The following DGKH variants were observed in gnomAD, a reference collection of about 807,000 sequenced individuals.
The protein encoded by DGKH is DAG kinase eta.
DGKH carries 90 observed loss-of-function variants against 159.3 expected under a neutral mutation model. The observed-to-expected ratio is 0.57, with a 90% CI of 0.48 to 0.67. The LOEUF is 0.67. DGKH is among the 30% of genes least tolerant of loss of function. DGKH has a pLI of 0.00. For synonymous variants in DGKH, 536 were observed against 553.8 expected, an observed-to-expected ratio of 0.97 and a Z score of 0.45; for missense variants, 1,181 against 1,506.1, an observed-to-expected ratio of 0.78 and a Z score of 3.57.
Position 42,230,574 on chromosome 13 carries a change from A to G in DGKH, c.*1386A>G, listed in dbSNP as rs1217485805. On this transcript the variant is annotated 3_prime_UTR_variant, in exon 30 of 30. Coordinates refer to ENST00000337343, the MANE Select transcript of DGKH (RefSeq NM_178009.5). ...AATTATAATATTTTAAAATTTGTAT[A>G]TAAGAGAAATAAACAGGGTACTGAC... 3 of 152,116 alleles carry G rather than the reference A, an allele frequency of 2.0e-5. No homozygotes were observed. The highest frequency in any genetic ancestry group is 4.4e-5 in the Non-Finnish European group (3 of 68,014). 9.4% of individuals were successfully genotyped at this position (152,116 alleles called of 1,614,324 possible).
chr13:42,129,725 G>A, intron 3 of DGKH, 93 bp downstream of exon 3: 1 of 1,142,934 alleles, frequency 8.7e-7, no homozygotes, highest in South Asian at 1.4e-5. Flanking sequence ...ACAAACTGTT[G>A]CTAACTTATG....
At chr13:42,256,012 G>A (rs1440475418) in intron 30 of DGKH, 14 of 1,559,018 alleles carry the variant, frequency 9.0e-6, no homozygotes, top group East Asian at 6.7e-5. Context: ...GTCTGATGAC[G>A]ATAGCAAATA....
chr13:42,115,308 A>G (rs1003148849), intron 1 of DGKH, among the ~76,000 whole-genome samples: 2 of 152,212 alleles, frequency 1.3e-5, no homozygotes, highest in Non-Finnish European at 2.9e-5. Flanking sequence ...ATTAGTTAAC[A>G]TGTATTAATT....
At chr13:42,227,683 T>C (rs1043576982) in intron 29 of DGKH, among the ~76,000 whole-genome samples, 3 of 152,200 alleles carry the variant, frequency 2.0e-5, no homozygotes, top group African/African-American at 7.2e-5. Context: ...TTTTTCTGAG[T>C]CAGTTAAATA....
intron 13 of DGKH, among the ~76,000 whole-genome samples, chr13:42,184,664 C>G (rs1956861754): frequency 6.6e-6 from 1 of 151,846 alleles, no homozygotes; most frequent in Admixed American, 6.6e-5. Context: ...GAGTTAGAGA[C>G]CAGCTGGGGC....
chr13:42,192,503 A>G (rs1376081863), intron 16 of DGKH, among the ~76,000 whole-genome samples: 1 of 152,130 alleles, frequency 6.6e-6, no homozygotes, highest in Non-Finnish European at 1.5e-5. Flanking sequence ...TGACTGTATC[A>G]AAGAGGACTC....
chr13:42,141,485 C>T (rs1955558127), intron 3 of DGKH, among the ~76,000 whole-genome samples: 1 of 152,142 alleles, frequency 6.6e-6, no homozygotes, highest in Non-Finnish European at 1.5e-5. Flanking sequence ...CACTGACTTC[C>T]ACAACGGTTG....
Position 42,166,536 on chromosome 13 carries a change from C to G in DGKH, c.980C>G (p.Ser327Trp). The G allele has an allele frequency of 6.4e-7, 1 of 1,550,798 alleles. No individual in the cohort carries two copies. Among genetic ancestry groups the G allele is most frequent in the African/African-American group, 1.4e-5 (1 of 72,304 alleles). The change falls in exon 9 of 30, where the codon TCG becomes TGG. Residue 327 changes from serine (S) to tryptophan (W), a missense_variant. Around this residue, in one of 5 missense-constraint regions of DGKH, gnomAD observed 369 missense variants for 519.4 expected, o/e 0.71. Coordinates refer to ENST00000337343, the MANE Select transcript of DGKH (RefSeq NM_178009.5). The part of the protein sequence containing the change: ...DSDGFCRATF[S>W]FCVSPLLVFV... ...ACAGGTTTCTGTAGAGCAACATTTT[C>G]GTTCTGTGTTAGTCCTCTATTGGTT...
intron 1 of DGKH, among the ~76,000 whole-genome samples, chr13:42,042,251 C>G (rs1447823110): frequency 6.6e-6 from 1 of 152,252 alleles, no homozygotes; most frequent in East Asian, 1.9e-4. Flanking sequence ...AATTCAGTGA[C>G]TTTACTTTTA....
intron 2 of DGKH, 71 bp from the exon 3 acceptor site, chr13:42,129,481 G>T: frequency 2.3e-6 from 3 of 1,287,842 alleles, no homozygotes; most frequent in Admixed American, 2.3e-5. Flanking sequence ...TTCCTGTATT[G>T]AAAAAATGTA....
chr13:42,211,262 C>T (rs955829487), intron 24 of DGKH, among the ~76,000 whole-genome samples: 4 of 152,106 alleles, frequency 2.6e-5, no homozygotes, highest in Non-Finnish European at 5.9e-5. Flanking sequence ...TCTTATCTAC[C>T]GAATGGGGCT....
At chr13:42,098,031 C>G (rs879436081) in intron 1 of DGKH, among the ~76,000 whole-genome samples, 1 of 152,138 alleles carries the variant, frequency 6.6e-6, no homozygotes, top group Non-Finnish European at 1.5e-5. Flanking sequence ...CAGTTCTTGT[C>G]TTCTCTCCCA....
intron 14 of DGKH, among the ~76,000 whole-genome samples, chr13:42,188,180 G>C (rs10492439): frequency 0.12 from 18,165 of 152,252 alleles, 1,545 homozygotes; most frequent in East Asian, 0.4. Context: ...TGTCTCTAAA[G>C]TATTTCTGCT....
chr13:42,179,345 C>T (rs984014050), intron 13 of DGKH, among the ~76,000 whole-genome samples: 1 of 152,122 alleles, frequency 6.6e-6, no homozygotes, highest in Non-Finnish European at 1.5e-5. Context: ...GAAACTGCAT[C>T]GAATAGAAGA....
downstream of DGKH, among the ~76,000 whole-genome samples, chr13:42,243,964 C>T (rs1228016147): frequency 2.6e-5 from 4 of 152,038 alleles, no homozygotes; most frequent in African/African-American, 9.7e-5. Flanking sequence ...TTCCTTAGTG[C>T]AGTTTTAGTG....
intron 1 of DGKH, among the ~76,000 whole-genome samples, chr13:42,056,043 A>G (rs573249322): frequency 6.6e-6 from 1 of 152,340 alleles, no homozygotes; most frequent in East Asian, 1.9e-4. Context: ...GGTCCCAGCT[A>G]CTTGGAACCA....
At chr13:42,121,530 A>T (rs1955072153) in intron 1 of DGKH, among the ~76,000 whole-genome samples, 1 of 152,106 alleles carries the variant, frequency 6.6e-6, no homozygotes, top group South Asian at 2.1e-4. Context: ...AATGAGATAG[A>T]CCTCCCGGAC....
chr13:42,143,499 G>A (rs544654667), intron 3 of DGKH, among the ~76,000 whole-genome samples: 3 of 152,250 alleles, frequency 2.0e-5, no homozygotes, highest in Admixed American at 6.5e-5. Context: ...TGTACCTCTG[G>A]TAGAATTCAG....
intron 16 of DGKH, among the ~76,000 whole-genome samples, chr13:42,194,403 G>C (rs2138130762): frequency 6.6e-6 from 1 of 152,320 alleles, no homozygotes; most frequent in African/African-American, 2.4e-5. Flanking sequence ...AAAGCTCTGG[G>C]ATTACAGGCA....
Sources: gnomAD v4.1 joint callset for allele counts (sites outside exome capture counted in the v4.1 genomes callset) on GRCh38, gnomAD v4.1.1 for gene constraint, gnomAD v4.1.1 regional missense constraint, MANE v1.5 for transcripts, NCBI Gene and HGNC (gene_info 2026-07-23, HGNC 2026-07-21) for gene names.